The following CREB3L2 variants were observed in gnomAD, a reference collection of about 807,000 sequenced individuals.
CREB3L2 encodes cAMP responsive element binding protein 3 like 2.
A neutral mutation model predicts 57.2 loss-of-function variants in CREB3L2; 23 were observed. That is an observed-to-expected ratio of 0.40 (90% CI 0.29 to 0.57). CREB3L2 has a LOEUF of 0.57. Among genes scored for constraint, CREB3L2 ranks in the 20% least tolerant of loss-of-function variants. The probability of loss-of-function intolerance (pLI) is 0.42; values close to 1 mark genes in which losing one functional copy is unlikely to be tolerated. For synonymous variants in CREB3L2, 268 were observed against 265.1 expected, an observed-to-expected ratio of 1.01 and a Z score of -0.11; for missense variants, 628 against 634.7, an observed-to-expected ratio of 0.99 and a Z score of 0.11.
At chr7:137,983,564 C>A (rs1030007965) in intron 1 of CREB3L2, among the ~76,000 whole-genome samples, 1 of 152,218 alleles carries the variant, frequency 6.6e-6, no homozygotes, top group East Asian at 1.9e-4. Context: ...TCCAACCAGG[C>A]AAAGCTGCTG....
rs147518187 is a variant in CREB3L2 at position 137,920,160 on chromosome 7, T to C, written c.320-4148A>G. 5.2e-3 allele frequency among the ~76,000 whole-genome samples: 789 copies of C among 152,320 alleles called. 2 individuals carry two copies. Among genetic ancestry groups the C allele is most frequent in the Non-Finnish European group, 8.2e-3 (555 of 68,026 alleles). ...CCTCCCTCCATCCATGTCTTTTGCC[T>C]TAGAATTTTGCAGTGACCTCCCACC... On this transcript the variant is annotated intron_variant, in intron 2 of 11. Transcript: ENST00000330387.
chr7:138,000,445 G>A (rs1585687441), intron 1 of CREB3L2, among the ~76,000 whole-genome samples: 1 of 152,092 alleles, frequency 6.6e-6, no homozygotes, highest in Non-Finnish European at 1.5e-5. Flanking sequence ...TCTCAGCCCT[G>A]CACTCTGCAT....
intron 1 of CREB3L2, among the ~76,000 whole-genome samples, chr7:137,962,930 T>C (rs1340518780): frequency 6.6e-6 from 1 of 152,176 alleles, no homozygotes; most frequent in African/African-American, 2.4e-5. Context: ...GCTTTCTCTC[T>C]GCATTCACTG....
chr7:137,969,396 G>A (rs1224123749), intron 1 of CREB3L2, among the ~76,000 whole-genome samples: 1 of 146,370 alleles, frequency 6.8e-6, no homozygotes, highest in Non-Finnish European at 1.5e-5. Context: ...GCCCAGGCTG[G>A]AGTGCAATGG....
chr7:137,905,321 A>G (rs1799861034), intron 6 of CREB3L2, among the ~76,000 whole-genome samples: 1 of 149,614 alleles, frequency 6.7e-6, no homozygotes, highest in Admixed American at 6.7e-5. Flanking sequence ...ATAGATACAT[A>G]GAGTACATAT....
chr7:137,912,660 G>A (rs779212027), intron 4 of CREB3L2, among the ~76,000 whole-genome samples: 2 of 152,158 alleles, frequency 1.3e-5, no homozygotes, highest in African/African-American at 2.4e-5. Flanking sequence ...TAGGGTTCAC[G>A]CCTGGATGAA....
At position 137,875,583 on chromosome 7, in the gene CREB3L2, C is replaced by T. The variant is rs896221455; in HGVS notation, c.*4893G>A. On this transcript the variant is annotated 3_prime_UTR_variant, in exon 12 of 12. Coordinates refer to ENST00000330387, the MANE Select transcript of CREB3L2 (RefSeq NM_194071.4). Reference sequence around the variant, plus strand: ...GGGACTGCTCCAGCACGAAGGGAAGCGATGAGCATCACACAGCAGGGCCAT... The same window carrying T: ...GGGACTGCTCCAGCACGAAGGGAAGTGATGAGCATCACACAGCAGGGCCAT... 4 of 223,918 alleles carry T rather than the reference C, an allele frequency of 1.8e-5. No individual in the cohort carries two copies. The highest frequency in any genetic ancestry group is 1.3e-4 in the East Asian group (2 of 15,502). The allele number at this position is 223,918 out of a possible 1,614,324, so 13.9% of individuals were successfully genotyped here. A position where few individuals can be genotyped will look rare whatever the true frequency, so the allele number is the denominator to read the frequency against.
intron 4 of CREB3L2, among the ~76,000 whole-genome samples, chr7:137,908,965 T>C (rs979602739): frequency 6.6e-6 from 1 of 151,918 alleles, no homozygotes; most frequent in African/African-American, 2.4e-5. Flanking sequence ...CCAGGTGTGG[T>C]GGCACACACC....
intron 1 of CREB3L2, among the ~76,000 whole-genome samples, chr7:137,963,873 T>C (rs994748201): frequency 6.6e-6 from 1 of 152,224 alleles, no homozygotes; most frequent in Non-Finnish European, 1.5e-5. Flanking sequence ...AATGTTAGGA[T>C]AGTATTTGAC....
intron 1 of CREB3L2, among the ~76,000 whole-genome samples, chr7:137,949,386 C>T (rs916614860): frequency 1.1e-4 from 16 of 152,154 alleles, no homozygotes; most frequent in African/African-American, 3.9e-4. Context: ...AAAGGACTCA[C>T]GTATTCTCAT....
chr7:138,001,628 G>C lies in CREB3L2; in HGVS notation c.78C>G (p.Asp26Glu). 6.2e-7 allele frequency: 1 copy of C among 1,613,142 alleles called. No individual in the cohort carries two copies. Among genetic ancestry groups the C allele is most frequent in the Non-Finnish European group, 8.5e-7 (1 of 1,179,606 alleles). The change falls in exon 1 of 12, where the codon GAC becomes GAG. Residue 26 changes from aspartate to glutamate, a missense_variant. This residue lies in a region of CREB3L2 where 339 missense variants were observed against 355.4 expected (regional missense o/e 0.95). Coordinates refer to ENST00000330387, the MANE Select transcript of CREB3L2 (RefSeq NM_194071.4). The surrounding 1 kb of genome is among the most constrained non-coding windows in gnomAD (Gnocchi z 4.2). ...RKLSELSEPG[D>E]GEALMYHTHF... ...CCGTGTGGTACATGAGGGCCTCGCC[G>C]TCCCCGGGCTCTGACAGCTCGCTCA... is the stretch of plus-strand genomic sequence containing the variant.
intron 10 of CREB3L2, among the ~76,000 whole-genome samples, chr7:137,883,212 G>A (rs1799335922): frequency 6.6e-6 from 1 of 152,168 alleles, no homozygotes; most frequent in Non-Finnish European, 1.5e-5. Flanking sequence ...ATAGTTCCTT[G>A]GGGGGAAAAA....
intron 1 of CREB3L2, among the ~76,000 whole-genome samples, chr7:137,971,233 G>A (rs1200193658): frequency 2.6e-5 from 4 of 152,122 alleles, no homozygotes; most frequent in African/African-American, 9.7e-5. Flanking sequence ...GGCGGATCAC[G>A]AGTTCAGGAG....
At chr7:137,956,286 T>C (rs773363323) in intron 1 of CREB3L2, among the ~76,000 whole-genome samples, 1 of 152,230 alleles carries the variant, frequency 6.6e-6, no homozygotes, top group Admixed American at 6.5e-5. Context: ...TAATTGAACA[T>C]TTTCATTATA....
chr7:137,928,621 ACACAG>A (rs1278241645), intron 1 of CREB3L2, among the ~76,000 whole-genome samples: 2 of 152,108 alleles, frequency 1.3e-5, no homozygotes, highest in Admixed American at 6.5e-5. Flanking sequence ...GTGTTCCCTG[ACACAG>A]CACATTAGTG....
intron 8 of CREB3L2, among the ~76,000 whole-genome samples, chr7:137,894,930 T>C (rs112090298): frequency 6.6e-6 from 1 of 152,264 alleles, no homozygotes; most frequent in East Asian, 1.9e-4. Context: ...AATGTTAAGA[T>C]GACTTTAACC....
chr7:137,956,773 C>G, intron 1 of CREB3L2: 1 of 506,710 alleles, frequency 2.0e-6, no homozygotes. Context: ...CAGCATAAGG[C>G]CCCACCTAAA....
In CREB3L2 at chr7:137,885,386, C is replaced by G. The variant is rs912910364; in HGVS notation, c.1143+17G>C. The stretch of plus-strand genomic sequence containing the variant: ...AGGCCAGGGGCGGTCACTGTGCTAC[C>G]CTGCTGGGAAGCTCACCATGAGGCA... On this transcript the variant is annotated intron_variant, in intron 9 of 11. Transcript: ENST00000330387. 6.2e-7 allele frequency: 1 copy of G among 1,608,524 alleles called. No homozygotes were observed.
intron 1 of CREB3L2, among the ~76,000 whole-genome samples, chr7:137,981,673 G>C (rs1801714135): frequency 6.6e-6 from 1 of 152,190 alleles, no homozygotes; most frequent in Non-Finnish European, 1.5e-5. Flanking sequence ...GTGGGGGCCA[G>C]AGCCCTCCAT....
Sources: allele counts gnomAD v4.1 joint callset (sites outside exome capture counted in the v4.1 genomes callset), GRCh38; gene constraint gnomAD v4.1.1; regional missense constraint gnomAD v4.1.1; non-coding constraint Gnocchi (gnomAD v3.1); transcripts MANE v1.5; gene names NCBI Gene and HGNC (gene_info 2026-07-23, HGNC 2026-07-21).